Variants in CBLB observed in about 807,000 individuals in gnomAD.
The protein encoded by CBLB is Cbl proto-oncogene B.
CBLB carries 31 observed loss-of-function variants against 104.9 expected under a neutral mutation model. The ratio of observed to expected loss-of-function variants is 0.30; its 90% CI spans 0.22 to 0.40. The LOEUF (loss-of-function observed/expected upper bound fraction) is 0.40, where lower values mean the gene tolerates loss of function less well. CBLB is among the 10% of genes least tolerant of loss of function. The pLI is 1.00. For synonymous variants in CBLB, 440 were observed against 422.6 expected (o/e 1.04, Z -0.51); for missense variants, 1,062 against 1,214.6 (o/e 0.87, Z 1.87).
chr3:105,735,383 G>A (rs896373474), intron 8 of CBLB, among the ~76,000 whole-genome samples: 1 of 152,034 alleles, frequency 6.6e-6, no homozygotes. Flanking sequence ...TGAAATAATA[G>A]ATAAGTATTG....
rs948390827 is a variant in CBLB, at chr3:105,834,429, G to A, written c.419+18985C>T. Among the ~76,000 whole-genome samples the A allele has an allele frequency of 9.2e-5, 14 of 152,232 alleles. No homozygotes were observed. In the South Asian group the frequency reaches 1.0e-3, roughly 11 times the overall value. On this transcript the variant is annotated intron_variant, in intron 3 of 18. Transcript: ENST00000394030. The stretch of plus-strand genomic sequence containing the variant: ...CCCAGCACTTTGGGAGGCCGAGGCG[G>A]GTGGATCACGAGGTCAGGAGATGGA...
At chr3:105,713,981 C>A (rs776008983) in intron 10 of CBLB, among the ~76,000 whole-genome samples, 78 of 152,166 alleles carry the variant, frequency 5.1e-4, no homozygotes, top group Non-Finnish European at 9.3e-4. Context: ...TTACTGAATA[C>A]CCTCAAGAGG....
intron 10 of CBLB, among the ~76,000 whole-genome samples, chr3:105,715,552 A>G (rs1462112132): frequency 1.3e-5 from 2 of 152,208 alleles, no homozygotes; most frequent in African/African-American, 4.8e-5. Flanking sequence ...CGATGGCAGC[A>G]TTACTCATTT....
intron 3 of CBLB, among the ~76,000 whole-genome samples, chr3:105,850,995 T>C (rs748506052): frequency 6.6e-6 from 1 of 152,168 alleles, no homozygotes; most frequent in Non-Finnish European, 1.5e-5. Flanking sequence ...TCTAAACTTA[T>C]GCATACCCTG....
chr3:105,687,370 A>G (rs1197232182), intron 13 of CBLB, among the ~76,000 whole-genome samples: 1 of 152,080 alleles, frequency 6.6e-6, no homozygotes, highest in Non-Finnish European at 1.5e-5. Context: ...GGCTAATTTG[A>G]TATTTTACCT....
intron 3 of CBLB, among the ~76,000 whole-genome samples, chr3:105,835,541 TAA>T (rs2088345592): frequency 1.3e-5 from 2 of 152,304 alleles, no homozygotes; most frequent in South Asian, 4.1e-4. Flanking sequence ...TATTTTACTC[TAA>T]GTCACACTGA....
chr3:105,750,494 T>C lies in CBLB; in HGVS notation c.723+968A>G, dbSNP rs186237014. Among the ~76,000 whole-genome samples, 407 of 152,308 alleles carry C rather than the reference T, an allele frequency of 2.7e-3. 1 individual carries two copies. Among genetic ancestry groups the C allele is most frequent in the Non-Finnish European group, 4.2e-3 (284 of 68,018 alleles). On this transcript the variant is annotated intron_variant, in intron 5 of 18. Coordinates refer to ENST00000394030, the MANE Select transcript of CBLB (RefSeq NM_170662.5). ...ATAAAAAATAATATCAGAACATAAG[T>C]AAGCCCAGTCTGATCAATTTACCTC...
rs2152781050 is a variant in CBLB, at chr3:105,702,386, G to A, written c.1667C>T (p.Pro556Leu). 6.2e-7 allele frequency: 1 copy of A among 1,608,758 alleles called. No individual in the cohort carries two copies. Among genetic ancestry groups the A allele is most frequent in the South Asian group, 1.1e-5 (1 of 90,828 alleles). ...APPPPLRDPP[P>L]PPPERPPPIP... The stretch of plus-strand genomic sequence containing the variant: ...TGGTGGAGGTCTTTCAGGTGGCGGT[G>A]GAGGAGGATCTCTTAAGGGAGGAGG... The change falls in exon 12 of 19, where the codon CCA (proline) becomes CTA (leucine). Residue 556 changes from proline (P) to leucine (L), a missense_variant. By Grantham distance (98) the Pro-to-Leu change is moderately conservative. Coordinates refer to ENST00000394030, the MANE Select transcript of CBLB (RefSeq NM_170662.5).
chr3:105,722,786 G>A (rs919447530), intron 9 of CBLB, among the ~76,000 whole-genome samples: 2 of 152,118 alleles, frequency 1.3e-5, no homozygotes, highest in Non-Finnish European at 2.9e-5. Context: ...TTTGAAGGGG[G>A]AGGAGGTGAA....
At chr3:105,705,217 T>C (rs2069897915) in intron 10 of CBLB, among the ~76,000 whole-genome samples, 1 of 152,258 alleles carries the variant, frequency 6.6e-6, no homozygotes, top group African/African-American at 2.4e-5. Context: ...GATGTCATCA[T>C]TTGACAATTT....
intron 3 of CBLB, among the ~76,000 whole-genome samples, chr3:105,789,357 T>C (rs1310117223): frequency 6.6e-6 from 1 of 152,118 alleles, no homozygotes; most frequent in African/African-American, 2.4e-5. Context: ...AACAAAGTAG[T>C]TTTTACATTA....
intron 4 of CBLB, among the ~76,000 whole-genome samples, chr3:105,753,265 G>GA (rs1163996980): frequency 1.3e-5 from 2 of 151,754 alleles, no homozygotes; most frequent in African/African-American, 2.4e-5. Context: ...CTCTATGTAT[G>GA]AAAAAAACAG....
At chr3:105,715,884 C>A (rs188597294) in intron 10 of CBLB, among the ~76,000 whole-genome samples, 1 of 151,950 alleles carries the variant, frequency 6.6e-6, no homozygotes, top group African/African-American at 2.4e-5. Context: ...ACTAAAAATA[C>A]AAAAATTAGC....
chr3:105,758,697 G>A (rs940581466), intron 4 of CBLB, among the ~76,000 whole-genome samples: 6 of 152,368 alleles, frequency 3.9e-5, no homozygotes, highest in South Asian at 4.1e-4. Context: ...GTAGCAGGGC[G>A]GGCAGCTCCA....
At chr3:105,771,194 T>G (rs2078835897) in intron 4 of CBLB, among the ~76,000 whole-genome samples, 1 of 152,012 alleles carries the variant, frequency 6.6e-6, no homozygotes, top group African/African-American at 2.4e-5. Flanking sequence ...AACTAATACA[T>G]CACAATCAAG....
At chr3:105,807,325 G>C (rs1190489273) in intron 3 of CBLB, among the ~76,000 whole-genome samples, 2 of 152,186 alleles carry the variant, frequency 1.3e-5, no homozygotes, top group African/African-American at 4.8e-5. Context: ...TGGAGGCCAA[G>C]ATGGGAGGAT....
chr3:105,867,602 C>A lies in CBLB; in HGVS notation c.-14-11G>T, dbSNP rs760400461. The A allele has an allele frequency of 6.2e-7, 1 of 1,612,796 alleles. No homozygotes were observed. ...TCTGGAATTTTAGTTCTTTAAAAGG[C>A]AGATTTAAAAAAAGAAAAGTTAGTT... On this transcript the variant is annotated splice_polypyrimidine_tract_variant and intron_variant, in intron 1 of 18. Transcript: ENST00000394030.
At chr3:105,835,865 T>TC (rs2088400044) in intron 3 of CBLB, among the ~76,000 whole-genome samples, 1 of 152,176 alleles carries the variant, frequency 6.6e-6, no homozygotes, top group Non-Finnish European at 1.5e-5. Flanking sequence ...GTTATTTTAA[T>TC]CCCACATAAA....
At chr3:105,733,022 T>A (rs2074488573) in intron 9 of CBLB, among the ~76,000 whole-genome samples, 1 of 152,224 alleles carries the variant, frequency 6.6e-6, no homozygotes, top group Admixed American at 6.5e-5. Flanking sequence ...ACTGGAAATC[T>A]GTCCAAAGAT....
Sources: gnomAD v4.1 joint callset for allele counts (sites outside exome capture counted in the v4.1 genomes callset) on GRCh38, gnomAD v4.1.1 for gene constraint, MANE v1.5 for transcripts, NCBI Gene and HGNC (gene_info 2026-07-23, HGNC 2026-07-21) for gene names.